ZNF451: variants seen among roughly 807,000 people sequenced by gnomAD.
The protein encoded by ZNF451 is zinc finger protein 451.
Under a neutral mutation model 107.1 loss-of-function variants are expected in ZNF451, and 80 were observed. The observed-to-expected ratio is 0.75, with a 90% CI of 0.62 to 0.90. The LOEUF (loss-of-function observed/expected upper bound fraction) is 0.90. Among genes scored for constraint, ZNF451 ranks in the 40% least tolerant of loss-of-function variants. The pLI is 0.00. For missense variants in ZNF451, 1,107 were observed against 1,236.2 expected (o/e 0.90, Z 1.57); for synonymous variants, 362 against 406.5 (o/e 0.89, Z 1.32).
At chr6:57,111,130 A>G (rs58331215) in intron 3 of ZNF451, among the ~76,000 whole-genome samples, 1 of 152,230 alleles carries the variant, frequency 6.6e-6, no homozygotes, top group East Asian at 1.9e-4. Flanking sequence ...CATGTTGGCC[A>G]GGCTGGTCTC....
intron 13 of ZNF451, among the ~76,000 whole-genome samples, chr6:57,156,072 G>A (rs1193497388): frequency 2.6e-5 from 4 of 152,050 alleles, no homozygotes; most frequent in African/African-American, 7.2e-5. Context: ...AGTGATGTAT[G>A]TAAAGTGTCT....
chr6:57,144,234 CTTT>C (rs57250829), intron 9 of ZNF451, among the ~76,000 whole-genome samples: 10 of 114,756 alleles, frequency 8.7e-5, no homozygotes, highest in South Asian at 2.7e-4. Context: ...GAATTATATC[CTTT>C]TTTTTTTTTT....
rs1238771554 is a variant in ZNF451, at chr6:57,141,938, T to C, written c.857-10T>C. On this transcript the variant is annotated splice_polypyrimidine_tract_variant and intron_variant, in intron 8 of 14. Coordinates refer to ENST00000370706, the MANE Select transcript of ZNF451 (RefSeq NM_001031623.3). The stretch of plus-strand genomic sequence containing the variant: ...TAACTTTGCAAATTATAGTTTATTT[T>C]GTCTTTCAGATAACAAAGGAATTGC... 6 of 1,610,862 alleles carry C rather than the reference T, an allele frequency of 3.7e-6. No homozygotes were observed. The highest frequency in any genetic ancestry group is 5.1e-6 in the Non-Finnish European group (6 of 1,177,816).
chr6:57,134,685 GT>G, intron 6 of ZNF451, 58 bp from the exon 7 acceptor site: 1 of 1,528,616 alleles, frequency 6.5e-7, no homozygotes, highest in Non-Finnish European at 8.9e-7. Flanking sequence ...AAGCGACATA[GT>G]TGTTTCCCTA....
chr6:57,138,455 C>T (rs540806540), intron 7 of ZNF451, among the ~76,000 whole-genome samples: 1 of 150,914 alleles, frequency 6.6e-6, no homozygotes, highest in Non-Finnish European at 1.5e-5. Context: ...GTAGAGACGG[C>T]GTTTCACCAC....
intron 5 of ZNF451, among the ~76,000 whole-genome samples, chr6:57,129,521 T>C (rs145410282): frequency 2.6e-5 from 4 of 152,328 alleles, no homozygotes; most frequent in African/African-American, 9.6e-5. Flanking sequence ...CAACAAAGTT[T>C]AATTACAAAA....
intron 14 of ZNF451, among the ~76,000 whole-genome samples, chr6:57,166,496 A>G (rs760515427): frequency 5.3e-5 from 8 of 152,308 alleles, no homozygotes; most frequent in Non-Finnish European, 7.3e-5. Context: ...TCCTTATTCT[A>G]TAAGCTTTTC....
chr6:57,099,265 A>G, intron 3 of ZNF451, 124 bp downstream of exon 3: 1 of 745,920 alleles, frequency 1.3e-6, no homozygotes, highest in South Asian at 1.7e-5. Flanking sequence ...GAATGGGCTA[A>G]AATAGGTAGT....
intron 5 of ZNF451, among the ~76,000 whole-genome samples, chr6:57,132,749 T>C (rs1234061316): frequency 2.0e-5 from 3 of 152,010 alleles, no homozygotes; most frequent in African/African-American, 7.2e-5. Context: ...GGCGTGCTCC[T>C]GTAGTTTGAG....
At chr6:57,156,899 T>C (rs1184559091) in intron 13 of ZNF451, among the ~76,000 whole-genome samples, 1 of 152,184 alleles carries the variant, frequency 6.6e-6, no homozygotes, top group African/African-American at 2.4e-5. Flanking sequence ...TTTGTGCTCC[T>C]ATGAGAATCT....
intron 7 of ZNF451, among the ~76,000 whole-genome samples, chr6:57,135,638 T>C (rs780345757): frequency 2.6e-5 from 4 of 152,178 alleles, no homozygotes; most frequent in African/African-American, 7.2e-5. Context: ...AAAGCTTAAA[T>C]ATTCATCGAA....
At chr6:57,136,030 C>T (rs1831409523) in intron 7 of ZNF451, among the ~76,000 whole-genome samples, 1 of 152,098 alleles carries the variant, frequency 6.6e-6, no homozygotes, top group Non-Finnish European at 1.5e-5. Context: ...GCAGTCCTCC[C>T]CATCTCTGTC....
At chr6:57,105,450 G>A (rs948953381) in intron 3 of ZNF451, 8 of 985,128 alleles carry the variant, frequency 8.1e-6, no homozygotes, top group African/African-American at 1.7e-5. Context: ...ATTGCTGGTG[G>A]TATTTATGTG....
chr6:57,163,134 C>A (rs959089674), intron 14 of ZNF451, among the ~76,000 whole-genome samples: 1 of 152,102 alleles, frequency 6.6e-6, no homozygotes, highest in African/African-American at 2.4e-5. Context: ...CTCCTCATCA[C>A]CCCAAAAGAG....
rs756897516 is a variant in ZNF451, at chr6:57,124,736, G to T, written c.189G>T (p.Glu63Asp). 55 of 1,582,212 alleles carry T rather than the reference G, an allele frequency of 3.5e-5. No individual in the cohort carries two copies. The South Asian group carries it at 5.7e-4, about 16-fold the overall frequency. The change falls in exon 4 of 15, where the codon GAG becomes GAT. Residue 63 changes from glutamate (E) to aspartate (D), a missense_variant and splice_region_variant. Physicochemically the swap from Glu to Asp is conservative, Grantham distance 45. Transcript: ENST00000370706. ...TGAAAATTTTTTTCATGTTATAGGA[G>T]AATATTAAACGTAAAGACCATATTG... ...DEEPSTSYTD[E>D]NIKRKDHIDY...
chr6:57,163,569 G>T (rs1390286202), intron 14 of ZNF451, among the ~76,000 whole-genome samples: 3 of 140,552 alleles, frequency 2.1e-5, no homozygotes, highest in African/African-American at 8.0e-5. Flanking sequence ...TCCTGCCTCA[G>T]CCTCCCGAGT....
chr6:57,109,462 A>G (rs1452763287), intron 3 of ZNF451: 1 of 985,340 alleles, frequency 1.0e-6, no homozygotes, highest in Non-Finnish European at 1.2e-6. Context: ...AAATGAGGTA[A>G]TATCCGAAAG....
chr6:57,155,666 T>C (rs987658591), intron 13 of ZNF451, among the ~76,000 whole-genome samples: 1 of 152,204 alleles, frequency 6.6e-6, no homozygotes, highest in African/African-American at 2.4e-5. Flanking sequence ...GTGAAACCTG[T>C]TATGGTTTTG....
At chr6:57,112,713 A>G (rs1247897433) in intron 3 of ZNF451, among the ~76,000 whole-genome samples, 1 of 152,180 alleles carries the variant, frequency 6.6e-6, no homozygotes, top group African/African-American at 2.4e-5. Context: ...CCTAGGTTAT[A>G]TCACCGTGTG....
Sources: allele counts gnomAD v4.1 joint callset (sites outside exome capture counted in the v4.1 genomes callset), GRCh38; gene constraint gnomAD v4.1.1; transcripts MANE v1.5; gene names NCBI Gene and HGNC (gene_info 2026-07-23, HGNC 2026-07-21).